The following ATP6V0A2 variants were observed in gnomAD, a reference collection of about 807,000 sequenced individuals.
ATP6V0A2 encodes ATPase H+ transporting V0 subunit a2.
In ATP6V0A2, 58 loss-of-function variants were observed where a neutral mutation model predicts 104.4. The ratio of observed to expected loss-of-function variants is 0.56; its 90% CI spans 0.45 to 0.69. The LOEUF (loss-of-function observed/expected upper bound fraction) is 0.69, where lower values mean the gene tolerates loss of function less well. Ranked by LOEUF, ATP6V0A2 falls within the 30% of genes least tolerant of loss-of-function variation. The pLI is 0.00. For missense variants in ATP6V0A2, 938 were observed against 1,062.9 expected (o/e 0.88, Z 1.63); for synonymous variants, 376 against 397.9 (o/e 0.95, Z 0.65).
intron 17 of ATP6V0A2, among the ~76,000 whole-genome samples, chr12:123,753,585 A>C (rs915949309): frequency 6.6e-6 from 1 of 152,208 alleles, no homozygotes; most frequent in African/African-American, 2.4e-5. Flanking sequence ...TTACCTCCTC[A>C]AAGGTTCTGT....
In ATP6V0A2 at chr12:123,760,726, C is replaced by T. The variant is rs948970729; in HGVS notation, c.*2694C>T. 2 of 152,104 alleles carry T rather than the reference C, an allele frequency of 1.3e-5. No homozygotes were observed. The highest frequency in any genetic ancestry group is 2.4e-5 in the African/African-American group (1 of 41,390). The allele number at this position is 152,104 out of a possible 1,614,324, so 9.4% of individuals were successfully genotyped here. On this transcript the variant is annotated 3_prime_UTR_variant, in exon 20 of 20. Transcript: ENST00000330342. ...CTGCTGGGCTGGAGACTGTAATTGC[C>T]GTGGTCAGTTAAGGAGTGCAAAGGG...
chr12:123,713,807 C>A (rs1483740540), intron 1 of ATP6V0A2, among the ~76,000 whole-genome samples: 2 of 152,160 alleles, frequency 1.3e-5, no homozygotes, highest in African/African-American at 2.4e-5. Context: ...CTGACTGTTT[C>A]CCTTAATCTT....
intron 9 of ATP6V0A2, 134 bp downstream of exon 9, chr12:123,737,405 T>A (rs910724104): frequency 1.1e-6 from 1 of 898,088 alleles, no homozygotes; most frequent in Non-Finnish European, 1.8e-6. Context: ...TTTGTTTTTT[T>A]AAAATATTAA....
At position 123,744,599 on chromosome 12, in the gene ATP6V0A2, C is replaced by A; in HGVS notation, c.1329C>A (p.Ile443=). ...TGCCCCCGCCTTGCCCTTCACAGAT[C>A]ATGAGGATGTTTTTTAATGGCCGGT... ...NHPRLNQSQE[I]MRMFFNGRYI... Residue 443 remains isoleucine, a splice_region_variant and synonymous_variant, in exon 12 of 20, where the codon ATC becomes ATA. Coordinates refer to ENST00000330342, the MANE Select transcript of ATP6V0A2 (RefSeq NM_012463.4). This position sits in a 1 kb window ranked among gnomAD's most constrained non-coding sequence, Gnocchi z 5.4. 1.2e-6 allele frequency: 2 copies of A among 1,612,848 alleles called. No individual in the cohort carries two copies. Among genetic ancestry groups the A allele is most frequent in the Non-Finnish European group, 1.7e-6 (2 of 1,180,030 alleles).
At chr12:123,739,065 G>A (rs1956583608) in intron 9 of ATP6V0A2, 1 of 152,320 alleles carries the variant, frequency 6.6e-6, no homozygotes, top group Admixed American at 6.5e-5. Flanking sequence ...GGTGGTGTGT[G>A]TGCTGCTTTG....
chr12:123,744,226 G>C lies in ATP6V0A2; in HGVS notation c.1215G>C (p.Pro405=), dbSNP rs1171365721. The part of the protein sequence containing the change: ...NPALFTIITF[P]FLFAVMFGDF... Reference sequence around the variant, plus strand: ...CTCTCTTTACCATCATCACCTTCCCGTTTTTATTTGCTGTGATGTTTGGAG... The same window carrying C: ...CTCTCTTTACCATCATCACCTTCCCCTTTTTATTTGCTGTGATGTTTGGAG... Residue 405 remains proline (P), a synonymous_variant, in exon 11 of 20, where the codon CCG becomes CCC. Transcript: ENST00000330342. This position sits in a 1 kb window ranked among gnomAD's most constrained non-coding sequence, Gnocchi z 5.4. 1.2e-6 allele frequency: 2 copies of C among 1,613,874 alleles called. No homozygotes were observed. Among genetic ancestry groups the C allele is most frequent in the African/African-American group, 2.7e-5 (2 of 74,830 alleles).
At chr12:123,752,446 A>G (rs770152298) in intron 17 of ATP6V0A2, 44 bp downstream of exon 17, 2 of 1,607,192 alleles carry the variant, frequency 1.2e-6, no homozygotes, top group Non-Finnish European at 8.5e-7. Context: ...ATAAGTAACC[A>G]AGCTTCCATA....
chr12:123,741,482 T>C (rs1198700722), intron 9 of ATP6V0A2, among the ~76,000 whole-genome samples: 1 of 152,184 alleles, frequency 6.6e-6, no homozygotes, highest in Non-Finnish European at 1.5e-5. Flanking sequence ...TTTCCCAGGC[T>C]GGAGAACAGT....
At chr12:123,745,936 T>G (rs562898859) in intron 13 of ATP6V0A2, among the ~76,000 whole-genome samples, 1 of 152,342 alleles carries the variant, frequency 6.6e-6, no homozygotes, top group South Asian at 2.1e-4. Context: ...AAAAAAAGTC[T>G]AGCATTCCTT....
At chr12:123,747,580 G>GT in intron 13 of ATP6V0A2, 27 bp from the exon 14 acceptor site, 2 of 1,454,282 alleles carry the variant, frequency 1.4e-6, no homozygotes, top group South Asian at 2.3e-5. Flanking sequence ...TAAAGATTCT[G>GT]TTTTGTCTTG....
intron 7 of ATP6V0A2, among the ~76,000 whole-genome samples, chr12:123,734,763 C>T (rs746681191): frequency 3.9e-5 from 6 of 152,128 alleles, no homozygotes; most frequent in Non-Finnish European, 7.4e-5. Flanking sequence ...TGGGCATTTT[C>T]TGTTTACTAG....
In ATP6V0A2 at chr12:123,761,386, C is replaced by T. The variant is rs1051071268; in HGVS notation, c.*3354C>T. The T allele has an allele frequency of 1.3e-5, 2 of 152,168 alleles. No homozygotes were observed. Among genetic ancestry groups the T allele is most frequent in the East Asian group, 1.9e-4 (1 of 5,198 alleles). The allele number at this position is 152,168 out of a possible 1,614,324, so 9.4% of individuals were successfully genotyped here. ...AATTCCTCTATTAAAAACGTAAAGCCGGGTTTGCTTGCGTGCCACAGGGAA... is the reference window on the plus strand; with the variant it reads ...AATTCCTCTATTAAAAACGTAAAGCTGGGTTTGCTTGCGTGCCACAGGGAA... On this transcript the variant is annotated 3_prime_UTR_variant, in exon 20 of 20. Transcript: ENST00000330342.
Position 123,759,077 on chromosome 12 carries a change from C to A in ATP6V0A2, c.*1045C>A, listed in dbSNP as rs1262697148. 6.6e-6 allele frequency: 1 copy of A among 152,446 alleles called. No homozygotes were observed. Among genetic ancestry groups the A allele is most frequent in the African/African-American group, 2.4e-5 (1 of 41,376 alleles). The allele number at this position is 152,446 out of a possible 1,614,324, so 9.4% of individuals were successfully genotyped here. A position where few individuals can be genotyped will look rare whatever the true frequency, so the allele number is the denominator to read the frequency against. ...CAGTGTGACTGTAGAAGATATAATG[C>A]GGACATGATTTGAATTTAGTGACAG... is the stretch of plus-strand genomic sequence containing the variant. On this transcript the variant is annotated 3_prime_UTR_variant, in exon 20 of 20. Coordinates refer to ENST00000330342, the MANE Select transcript of ATP6V0A2 (RefSeq NM_012463.4).
intron 6 of ATP6V0A2, chr12:123,731,040 G>A (rs145434350): frequency 6.6e-6 from 1 of 152,286 alleles, no homozygotes; most frequent in African/African-American, 2.4e-5. Flanking sequence ...ATGTTAAAGG[G>A]CAGTAAACAT....
intron 6 of ATP6V0A2, among the ~76,000 whole-genome samples, chr12:123,730,147 T>C (rs7974462): frequency 0.61 from 90,163 of 147,336 alleles, 27,734 homozygotes; most frequent in East Asian, 0.94. Context: ...CTCCGCCTCC[T>C]GGGTTCACGC....
At chr12:123,750,945 G>C in intron 15 of ATP6V0A2, 165 bp from the exon 16 acceptor site, 1 of 811,300 alleles carries the variant, frequency 1.2e-6, no homozygotes, top group East Asian at 2.6e-5. Context: ...ATTCAGCTAT[G>C]AGTTTAGGAA....
intron 18 of ATP6V0A2, 52 bp downstream of exon 18, chr12:123,754,589 C>G: frequency 8.0e-7 from 1 of 1,252,460 alleles, no homozygotes; most frequent in Non-Finnish European, 1.2e-6. Context: ...TGCCAGCAGA[C>G]TCAGGGGGCA....
intron 2 of ATP6V0A2, among the ~76,000 whole-genome samples, chr12:123,720,434 C>T (rs1243034274): frequency 2.0e-5 from 3 of 152,194 alleles, no homozygotes; most frequent in Non-Finnish European, 2.9e-5. Context: ...CGATGGCTCA[C>T]GCCTATAATT....
chr12:123,735,207 T>G (rs910016511), intron 7 of ATP6V0A2, among the ~76,000 whole-genome samples: 1 of 152,028 alleles, frequency 6.6e-6, no homozygotes, highest in African/African-American at 2.4e-5. Flanking sequence ...TCTTTGTGTT[T>G]GTGTTTAAAC....
Sources: gnomAD v4.1 joint callset for allele counts (sites outside exome capture counted in the v4.1 genomes callset) on GRCh38, gnomAD v4.1.1 for gene constraint, Gnocchi (gnomAD v3.1) non-coding constraint, MANE v1.5 for transcripts, NCBI Gene and HGNC (gene_info 2026-07-23, HGNC 2026-07-21) for gene names.